The following PHF2 variants were observed in gnomAD, a reference collection of about 807,000 sequenced individuals.
The protein encoded by PHF2 is lysine-specific demethylase PHF2.
PHF2 carries 27 observed loss-of-function variants against 120.5 expected under a neutral mutation model. The ratio of observed to expected loss-of-function variants is 0.22; its 90% CI spans 0.17 to 0.31. The LOEUF is 0.31. PHF2 is among the 10% of genes least tolerant of loss of function. PHF2 has a pLI of 1.00. For synonymous variants in PHF2, 568 were observed against 592.5 expected (o/e 0.96, Z 0.60); for missense variants, 1,024 against 1,434.8 (o/e 0.71, Z 4.63).
At chr9:93,592,352 T>C (rs1164362228) in intron 1 of PHF2, among the ~76,000 whole-genome samples, 1 of 152,102 alleles carries the variant, frequency 6.6e-6, no homozygotes, top group Non-Finnish European at 1.5e-5. Flanking sequence ...CTTTACTCAT[T>C]TGGGGAGCGC....
At chr9:93,654,870 C>G (rs1826431193) in intron 7 of PHF2, among the ~76,000 whole-genome samples, 1 of 152,214 alleles carries the variant, frequency 6.6e-6, no homozygotes, top group African/African-American at 2.4e-5. Flanking sequence ...GCTGCGCAGC[C>G]AGTCACCCGC....
intron 2 of PHF2, among the ~76,000 whole-genome samples, chr9:93,633,386 T>C (rs1309237917): frequency 6.6e-6 from 1 of 152,142 alleles, no homozygotes; most frequent in African/African-American, 2.4e-5. Flanking sequence ...GGAAGCCACA[T>C]AGTGGTTAGA....
At chr9:93,676,465 G>T in intron 20 of PHF2, 129 bp from the exon 21 acceptor site, 1 of 1,132,586 alleles carries the variant, frequency 8.8e-7, no homozygotes, top group South Asian at 1.7e-5. Context: ...CCCAGAGTCA[G>T]GCCTCAGGCC....
chr9:93,627,376 AG>A (rs1425402638), intron 1 of PHF2, among the ~76,000 whole-genome samples: 24 of 152,070 alleles, frequency 1.6e-4, no homozygotes, highest in Non-Finnish European at 2.5e-4. Flanking sequence ...TGTTAGGTAT[AG>A]AAAGTTTTTC....
intron 1 of PHF2, among the ~76,000 whole-genome samples, chr9:93,601,647 C>G (rs1258383776): frequency 6.6e-6 from 1 of 152,008 alleles, no homozygotes; most frequent in Non-Finnish European, 1.5e-5. Flanking sequence ...CAGGGGATGG[C>G]TCAGTGTGCA....
intron 5 of PHF2, 115 bp downstream of exon 5, chr9:93,649,327 A>G: frequency 1.5e-6 from 1 of 679,604 alleles, no homozygotes; most frequent in Non-Finnish European, 2.5e-6. Flanking sequence ...GGAATACTGC[A>G]CATGGCACAC....
At chr9:93,621,701 C>T (rs1314844041) in intron 1 of PHF2, among the ~76,000 whole-genome samples, 2 of 152,194 alleles carry the variant, frequency 1.3e-5, no homozygotes, top group Non-Finnish European at 2.9e-5. Context: ...CTTGTGACCC[C>T]TGAGCCTCGG....
chr9:93,614,828 CGATGGTGGTGATGGTGATAGTAATGAT>C (rs1314235647), intron 1 of PHF2, among the ~76,000 whole-genome samples: 5 of 133,622 alleles, frequency 3.7e-5, no homozygotes, highest in African/African-American at 1.0e-4. Context: ...GTGGTAATGA[CGATGGTGGTGATGGTGATAGTAATGAT>C]GATGGTGATG....
chr9:93,653,086 G>A (rs10992828), intron 5 of PHF2, 93 bp from the exon 6 acceptor site: 283,708 of 1,181,648 alleles, frequency 0.24, 36,125 homozygotes, highest in Non-Finnish European at 0.27. Flanking sequence ...GTGAGAGAGC[G>A]TGGGACATGC....
At chr9:93,653,424 T>C (rs1826402697) in intron 6 of PHF2, 59 bp downstream of exon 6, 1 of 1,540,874 alleles carries the variant, frequency 6.5e-7, no homozygotes, top group African/African-American at 1.4e-5. Context: ...ATCTGCAGGA[T>C]TGTCTGCAGT....
At chr9:93,582,225 AGAG>A in intron 1 of PHF2, among the ~76,000 whole-genome samples, 1 of 152,310 alleles carries the variant, frequency 6.6e-6, no homozygotes, top group East Asian at 1.9e-4. Flanking sequence ...CTCACCTCCC[AGAG>A]GGTGCAGGTG....
chr9:93,595,127 G>A (rs1825307709), intron 1 of PHF2, among the ~76,000 whole-genome samples: 1 of 152,172 alleles, frequency 6.6e-6, no homozygotes, highest in African/African-American at 2.4e-5. Flanking sequence ...GGTACTTACA[G>A]ATGCTAAATG....
At chr9:93,650,225 C>T (rs759255837) in intron 5 of PHF2, among the ~76,000 whole-genome samples, 5 of 151,992 alleles carry the variant, frequency 3.3e-5, no homozygotes, top group Non-Finnish European at 5.9e-5. Flanking sequence ...CATAGACATG[C>T]GATACACCCA....
At chr9:93,676,521 T>G (rs1163036669) in intron 20 of PHF2, 73 bp from the exon 21 acceptor site, 1 of 1,524,954 alleles carries the variant, frequency 6.6e-7, no homozygotes, top group Non-Finnish European at 8.8e-7. Flanking sequence ...GGCAAGGCCA[T>G]GCCGGGAGCT....
chr9:93,587,396 C>G (rs894086098), intron 1 of PHF2, among the ~76,000 whole-genome samples: 1 of 127,684 alleles, frequency 7.8e-6, no homozygotes, highest in Non-Finnish European at 1.6e-5. Context: ...AGATGAGGGA[C>G]GGAGGAGCCC....
At chr9:93,604,803 A>C (rs1202325335) in intron 1 of PHF2, among the ~76,000 whole-genome samples, 1 of 151,776 alleles carries the variant, frequency 6.6e-6, no homozygotes, top group African/African-American at 2.4e-5. Flanking sequence ...TGTTATTTTA[A>C]GTAATACCTG....
At chr9:93,606,818 T>G (rs1440799388) in intron 1 of PHF2, among the ~76,000 whole-genome samples, 2 of 152,264 alleles carry the variant, frequency 1.3e-5, no homozygotes, top group Non-Finnish European at 2.9e-5. Flanking sequence ...TCTAGGAGAT[T>G]CATGAGTTTG....
At chr9:93,648,379 T>C (rs1255365617) in intron 4 of PHF2, among the ~76,000 whole-genome samples, 1 of 152,206 alleles carries the variant, frequency 6.6e-6, no homozygotes, top group Non-Finnish European at 1.5e-5. Flanking sequence ...TGGGGAGGCC[T>C]GTTGTGCCTG....
Position 93,658,175 on chromosome 9 carries a change from C to T in PHF2, c.1178C>T (p.Pro393Leu), listed in dbSNP as rs758341648. The change falls in exon 10 of 22, where the codon CCT becomes CTT. Residue 393 changes from proline to leucine, a missense_variant. Physicochemically the swap from Pro to Leu is moderately conservative, Grantham distance 98 (BLOSUM62 -3). Transcript: ENST00000359246. ...GSHKSGKQLP[P>L]HLVQGAKILN... ...CACAAATCTGGGAAGCAGCTGCCCC[C>T]TCATCTAGTCCAAGGAGCTAAAATT... 4 of 1,613,258 alleles carry T rather than the reference C, an allele frequency of 2.5e-6. No individual in the cohort carries two copies. In the African/African-American group the frequency reaches 5.3e-5, roughly 22 times the overall value.
Sources: allele counts gnomAD v4.1 joint callset (sites outside exome capture counted in the v4.1 genomes callset), GRCh38; gene constraint gnomAD v4.1.1; transcripts MANE v1.5; gene names NCBI Gene and HGNC (gene_info 2026-07-23, HGNC 2026-07-21).